KIF2A: variants seen among roughly 807,000 people sequenced by gnomAD.
The protein encoded by KIF2A is kinesin-like protein KIF2A.
In KIF2A, 22 loss-of-function variants were observed where a neutral mutation model predicts 100.2. The ratio of observed to expected loss-of-function variants is 0.22; its 90% confidence interval spans 0.16 to 0.31. The LOEUF (loss-of-function observed/expected upper bound fraction) is 0.31. Ranked by LOEUF, KIF2A falls within the 10% of genes least tolerant of loss-of-function variation. The probability of loss-of-function intolerance (pLI) is 1.00; values close to 1 mark genes in which losing one functional copy is unlikely to be tolerated. For missense variants in KIF2A, 495 were observed against 898.7 expected, an observed-to-expected ratio of 0.55 and a Z score of 5.74; for synonymous variants, 268 against 285.9, an observed-to-expected ratio of 0.94 and a Z score of 0.63.
intron 20 of KIF2A, among the ~76,000 whole-genome samples, chr5:62,381,633 T>C (rs945259930): frequency 6.6e-6 from 1 of 152,232 alleles, no homozygotes; most frequent in African/African-American, 2.4e-5. Context: ...GGCGTGATCA[T>C]GGCTTACTGC....
intron 7 of KIF2A, among the ~76,000 whole-genome samples, chr5:62,356,345 T>C (rs1401713645): frequency 6.6e-6 from 1 of 152,246 alleles, no homozygotes; most frequent in Non-Finnish European, 1.5e-5. Context: ...CAAGGGTCTT[T>C]GGCTTTGGAG....
In KIF2A at chr5:62,306,396, C is replaced by CG; in HGVS notation, c.-77_-76insG. ...CGGGCAACCGCTCCCCCTCCCACACCTACCCCGCCCCCTCCCCGCCTTTTC... is the reference window on the plus strand; with the variant it reads ...CGGGCAACCGCTCCCCCTCCCACACCGTACCCCGCCCCCTCCCCGCCTTTTC... On this transcript the variant is annotated 5_prime_UTR_variant, in exon 1 of 21. Transcript: ENST00000407818. The CG allele has an allele frequency of 1.1e-6, 1 of 923,260 alleles. No individual in the cohort carries two copies. The highest frequency in any genetic ancestry group is 1.7e-6 in the Non-Finnish European group (1 of 597,476). The allele number at this position is 923,260 out of a possible 1,614,324, so 57.2% of individuals were successfully genotyped here. A position where few individuals can be genotyped will look rare whatever the true frequency, so the allele number is the denominator to read the frequency against.
rs1746340761 is a variant in KIF2A, at chr5:62,325,699, T to A, written c.64+19163T>A. On this transcript the variant is annotated intron_variant, in intron 1 of 20. Coordinates refer to ENST00000407818, the MANE Select transcript of KIF2A (RefSeq NM_001098511.3). Reference sequence around the variant, plus strand: ...AACACTCACACACTGTTGGTGGAAATGTAAATTAGTTCAGCCACTGTGGAA... The same window carrying A: ...AACACTCACACACTGTTGGTGGAAAAGTAAATTAGTTCAGCCACTGTGGAA... Among the ~76,000 whole-genome samples the A allele has an allele frequency of 2.0e-5, 3 of 152,302 alleles. No individual in the cohort carries two copies. The South Asian group carries it at 6.2e-4, about 32-fold the overall frequency.
rs1260020552 is a variant in KIF2A at position 62,352,603 on chromosome 5, G to A, written c.350G>A (p.Arg117His). The A allele has an allele frequency of 1.3e-6, 2 of 1,580,896 alleles. No individual in the cohort carries two copies. Among genetic ancestry groups the A allele is most frequent in the Non-Finnish European group, 1.7e-6 (2 of 1,162,414 alleles). Residue 117 changes from arginine to histidine, a missense_variant, in exon 5 of 21, where the codon CGT becomes CAT. Physicochemically the swap from Arg to His is conservative, Grantham distance 29. This residue lies in a region of KIF2A where 115 missense variants were observed against 143.6 expected (regional missense o/e 0.80). Transcript: ENST00000407818. Reference protein sequence around the residue: ...SRDNRVVGSARARPSQFPEQS... With the variant: ...SRDNRVVGSAHARPSQFPEQS... ...TTACTTACAGTGGTTGGTTCAGCAC[G>A]TGCACGGCCCAGTCAATTTCCTGAA...
intron 1 of KIF2A, among the ~76,000 whole-genome samples, chr5:62,332,523 T>C (rs186732272): frequency 9.2e-5 from 14 of 152,254 alleles, no homozygotes; most frequent in Non-Finnish European, 1.8e-4. Flanking sequence ...GATTAAAGAT[T>C]ATATTTCAAA....
At chr5:62,350,013 A>G in intron 3 of KIF2A, 53 bp from the exon 4 acceptor site, 1 of 1,148,748 alleles carries the variant, frequency 8.7e-7, no homozygotes, top group Middle Eastern at 2.0e-4. Context: ...AGATCATGAT[A>G]CATATGAGGG....
At chr5:62,381,588 C>T (rs1337007732) in intron 20 of KIF2A, among the ~76,000 whole-genome samples, 3 of 152,092 alleles carry the variant, frequency 2.0e-5, no homozygotes, top group Admixed American at 1.3e-4. Context: ...TGCCTTTTTT[C>T]GGGTCTCATT....
At chr5:62,308,273 T>A in intron 1 of KIF2A, 1 of 1,235,842 alleles carries the variant, frequency 8.1e-7, no homozygotes, top group African/African-American at 1.5e-5. Context: ...TTCAGATTAC[T>A]TTCTTGAAAG....
chr5:62,336,361 A>G (rs1746946283), intron 1 of KIF2A, among the ~76,000 whole-genome samples: 1 of 152,206 alleles, frequency 6.6e-6, no homozygotes. Context: ...TCCATCAAGG[A>G]AGGCAGCCCA....
At chr5:62,315,742 A>G (rs1447313415) in intron 1 of KIF2A, among the ~76,000 whole-genome samples, 2 of 152,348 alleles carry the variant, frequency 1.3e-5, no homozygotes, top group Non-Finnish European at 1.5e-5. Flanking sequence ...GGAAACTACT[A>G]TAGGACTTAA....
intron 5 of KIF2A, 42 bp from the exon 6 acceptor site, chr5:62,353,233 A>G: frequency 1.6e-6 from 2 of 1,215,248 alleles, no homozygotes; most frequent in South Asian, 3.2e-5. Context: ...TAGTACTCTA[A>G]AAAAGAAAAC....
At position 62,388,214 on chromosome 5, in the gene KIF2A, T is replaced by A. The variant is rs186496449; in HGVS notation, c.*2645T>A. ...GGAACCTGTAGTTATGGGAAATGGC[T>A]GTTTTTCTGAAGTTGAAACCAGTTT... is the stretch of plus-strand genomic sequence containing the variant. On this transcript the variant is annotated 3_prime_UTR_variant, in exon 21 of 21. Transcript: ENST00000407818. 7 of 152,368 alleles carry A rather than the reference T, an allele frequency of 4.6e-5. No homozygotes were observed. Among genetic ancestry groups the A allele is most frequent in the Non-Finnish European group, 5.9e-5 (4 of 68,034 alleles). The allele number at this position is 152,368 out of a possible 1,614,324, so 9.4% of individuals were successfully genotyped here.
chr5:62,340,693 G>A (rs1016764607), intron 1 of KIF2A, among the ~76,000 whole-genome samples: 9 of 151,980 alleles, frequency 5.9e-5, no homozygotes, highest in African/African-American at 2.2e-4. Flanking sequence ...AATTTTTCAT[G>A]TATCTTATTA....
intron 1 of KIF2A, among the ~76,000 whole-genome samples, chr5:62,330,414 T>A (rs755820299): frequency 1.3e-5 from 2 of 152,234 alleles, no homozygotes; most frequent in Non-Finnish European, 1.5e-5. Flanking sequence ...TCACCTGATA[T>A]GAAGTGGCAA....
intron 19 of KIF2A, among the ~76,000 whole-genome samples, chr5:62,379,331 C>G (rs577916463): frequency 6.6e-6 from 1 of 151,764 alleles, no homozygotes; most frequent in African/African-American, 2.4e-5. Context: ...TTTGTTAAAC[C>G]AAAATTAAGT....
chr5:62,318,158 C>T (rs1745915783), intron 1 of KIF2A, among the ~76,000 whole-genome samples: 1 of 152,064 alleles, frequency 6.6e-6, no homozygotes, highest in South Asian at 2.1e-4. Flanking sequence ...TCTCAGCTCA[C>T]TGCAACCTCC....
intron 1 of KIF2A, among the ~76,000 whole-genome samples, chr5:62,328,696 G>A (rs1746498560): frequency 6.6e-6 from 1 of 151,956 alleles, no homozygotes; most frequent in Non-Finnish European, 1.5e-5. Flanking sequence ...TCTCCATTTT[G>A]GGTCAGGGTG....
At chr5:62,307,672 C>T (rs1745378195) in intron 1 of KIF2A, among the ~76,000 whole-genome samples, 1 of 149,494 alleles carries the variant, frequency 6.7e-6, no homozygotes, top group African/African-American at 2.5e-5. Flanking sequence ...GGCTGGAGTG[C>T]AGTGGTGCGA....
At chr5:62,353,424 A>T (rs1747951520) in intron 6 of KIF2A, 49 bp downstream of exon 6, 1 of 910,346 alleles carries the variant, frequency 1.1e-6, no homozygotes, top group South Asian at 2.0e-5. Context: ...CAGAGATTAG[A>T]TTATATCAGT....
Sources: allele counts gnomAD v4.1 joint callset (sites outside exome capture counted in the v4.1 genomes callset), GRCh38; gene constraint gnomAD v4.1.1; regional missense constraint gnomAD v4.1.1; transcripts MANE v1.5; gene names NCBI Gene and HGNC (gene_info 2026-07-23, HGNC 2026-07-21).